Variants in ZC3H18 observed in about 807,000 individuals in gnomAD.
ZC3H18 encodes the protein zinc finger CCCH domain-containing protein 18.
ZC3H18 carries 8 observed loss-of-function variants against 106.1 expected under a neutral mutation model. The ratio of observed to expected loss-of-function variants is 0.08; its 90% CI spans 0.04 to 0.14. ZC3H18 has a LOEUF of 0.14. Among genes scored for constraint, ZC3H18 ranks in the 10% least tolerant of loss-of-function variants. The pLI is 1.00. For missense variants in ZC3H18, 1,318 were observed against 1,278.4 expected, an observed-to-expected ratio of 1.03 and a Z score of -0.47; for synonymous variants, 635 against 522.1, an observed-to-expected ratio of 1.22 and a Z score of -2.95.
intron 3 of ZC3H18, chr16:88,587,464 A>G (rs1277890250): frequency 4.9e-6 from 6 of 1,229,132 alleles, no homozygotes; most frequent in Non-Finnish European, 6.8e-6. Flanking sequence ...ATTTTGCTGT[A>G]AGCCCATAGA....
intron 2 of ZC3H18, among the ~76,000 whole-genome samples, chr16:88,582,044 A>G (rs948603900): frequency 8.6e-5 from 13 of 151,882 alleles, no homozygotes; most frequent in African/African-American, 3.1e-4. Context: ...AGGACCTCCT[A>G]CATTTGTAGG....
intron 5 of ZC3H18, among the ~76,000 whole-genome samples, 169 bp downstream of exon 5, chr16:88,598,881 C>G (rs933478386): frequency 6.6e-6 from 1 of 152,052 alleles, no homozygotes; most frequent in Non-Finnish European, 1.5e-5. Context: ...TTTTTGGAGA[C>G]AGAGTTTCAC....
intron 2 of ZC3H18, among the ~76,000 whole-genome samples, chr16:88,584,876 C>T (rs543501348): frequency 1.3e-5 from 2 of 152,256 alleles, no homozygotes; most frequent in African/African-American, 2.4e-5. Context: ...AAACCCTTCT[C>T]ACCACCTCAT....
At chr16:88,580,196 GTGTGTGTGTGTGTATATGTA>G (rs778126537) in intron 2 of ZC3H18, among the ~76,000 whole-genome samples, 59 of 89,932 alleles carry the variant, frequency 6.6e-4, no homozygotes, top group South Asian at 2.1e-3. Context: ...GTGTGTGTGT[GTGTGTGTGTGTGTATATGTA>G]TATGTCTCTG....
At chr16:88,619,749 T>TGTGGA (rs1371592335) in intron 8 of ZC3H18, among the ~76,000 whole-genome samples, 1 of 152,190 alleles carries the variant, frequency 6.6e-6, no homozygotes, top group Admixed American at 6.5e-5. Context: ...TGTTACAGCT[T>TGTGGA]CACCCGAAGA....
intron 3 of ZC3H18, among the ~76,000 whole-genome samples, chr16:88,590,943 C>T (rs1029166746): frequency 7.3e-5 from 11 of 150,620 alleles, no homozygotes; most frequent in Admixed American, 4.7e-4. Context: ...CTGTGCTCCC[C>T]CTAATTTTTT....
chr16:88,575,627 G>C (rs956031844), intron 1 of ZC3H18, among the ~76,000 whole-genome samples: 4 of 152,034 alleles, frequency 2.6e-5, no homozygotes, highest in Non-Finnish European at 5.9e-5. Context: ...GAGTTTTTGA[G>C]GAGGGAAACT....
At chr16:88,606,240 A>G (rs936830861) in intron 6 of ZC3H18, among the ~76,000 whole-genome samples, 1 of 152,222 alleles carries the variant, frequency 6.6e-6, no homozygotes, top group East Asian at 1.9e-4. Context: ...ATTCATTTCA[A>G]GAGTGTTTCA....
chr16:88,625,697 A>G, intron 13 of ZC3H18: 1 of 190,880 alleles, frequency 5.2e-6, no homozygotes, highest in Non-Finnish European at 1.1e-5. Context: ...CTGAGAAGAG[A>G]ATACATGGAA....
intron 3 of ZC3H18, among the ~76,000 whole-genome samples, chr16:88,595,288 C>T (rs557847879): frequency 5.3e-5 from 8 of 152,072 alleles, no homozygotes; most frequent in Admixed American, 2.6e-4. Context: ...GCCTCCGCCC[C>T]GCTCCAGCGG....
chr16:88,628,666 G>C (rs987343894), intron 15 of ZC3H18, 92 bp from the exon 16 acceptor site: 7 of 1,375,170 alleles, frequency 5.1e-6, no homozygotes, highest in Non-Finnish European at 7.2e-6. Context: ...GAGCAGAGCA[G>C]GTTGCTGGCA....
intron 3 of ZC3H18, among the ~76,000 whole-genome samples, chr16:88,589,534 T>C (rs1392942044): frequency 6.6e-6 from 1 of 152,182 alleles, no homozygotes; most frequent in African/African-American, 2.4e-5. Context: ...GAAGACGTGC[T>C]GAGTGACAGA....
chr16:88,621,454 G>A (rs1178043018), intron 8 of ZC3H18, among the ~76,000 whole-genome samples: 5 of 152,074 alleles, frequency 3.3e-5, no homozygotes, highest in Non-Finnish European at 7.4e-5. Context: ...TCGATCTCTT[G>A]ACCTCGTGAT....
intron 3 of ZC3H18, among the ~76,000 whole-genome samples, chr16:88,594,433 T>C (rs1196479939): frequency 6.6e-6 from 1 of 152,210 alleles, no homozygotes; most frequent in Admixed American, 6.5e-5. Context: ...AGATACTTCA[T>C]GTGTGGGCTG....
chr16:88,571,535 C>G (rs940154779), intron 1 of ZC3H18: 108 of 760,284 alleles, frequency 1.4e-4, no homozygotes, highest in Middle Eastern at 1.4e-3. Context: ...ATTTTACTAT[C>G]TAAGGGCAGT....
chr16:88,578,706 T>A (rs1362919524), intron 2 of ZC3H18, among the ~76,000 whole-genome samples: 1 of 152,084 alleles, frequency 6.6e-6, no homozygotes, highest in Non-Finnish European at 1.5e-5. Context: ...GCTCCTTTTT[T>A]TTGAGAGAGA....
At chr16:88,617,238 G>A (rs762338086) in intron 8 of ZC3H18, among the ~76,000 whole-genome samples, 3 of 151,874 alleles carry the variant, frequency 2.0e-5, no homozygotes, top group Non-Finnish European at 4.4e-5. Context: ...TGTCCCCGTC[G>A]GGATCTCATC....
Position 88,627,293 on chromosome 16 carries a change from C to G in ZC3H18, c.2109-329C>G. On this transcript the variant is annotated intron_variant, in intron 13 of 17. Transcript: ENST00000301011. This position sits in a 1 kb window ranked among gnomAD's most constrained non-coding sequence, Gnocchi z 4.5. ...CCATGTTGGCCAAGCTGGTCCCGAA[C>G]TCCTGACATCAGTTCAGCTGGGTCT... is the stretch of plus-strand genomic sequence containing the variant. The G allele has an allele frequency of 4.7e-6, 1 of 211,582 alleles. No homozygotes were observed. The highest frequency in any genetic ancestry group is 9.4e-6 in the Non-Finnish European group (1 of 106,086). 13.1% of individuals were successfully genotyped at this position (211,582 alleles called of 1,614,324 possible). A position where few individuals can be genotyped will look rare whatever the true frequency, so the allele number is the denominator to read the frequency against.
At chr16:88,582,466 C>T (rs1340157587) in intron 2 of ZC3H18, among the ~76,000 whole-genome samples, 1 of 152,050 alleles carries the variant, frequency 6.6e-6, no homozygotes, top group African/African-American at 2.4e-5. Context: ...TCGTGATCCA[C>T]CCGCCTTTTA....
Sources: allele counts gnomAD v4.1 joint callset (sites outside exome capture counted in the v4.1 genomes callset), GRCh38; gene constraint gnomAD v4.1.1; non-coding constraint Gnocchi (gnomAD v3.1); transcripts MANE v1.5; gene names NCBI Gene and HGNC (gene_info 2026-07-23, HGNC 2026-07-21).